EXOC5: variants seen among roughly 807,000 people sequenced by gnomAD.
EXOC5 encodes the protein SEC10-like 1.
Under a neutral mutation model 90.8 loss-of-function variants are expected in EXOC5, and 17 were observed. The ratio of observed to expected loss-of-function variants is 0.19; its 90% CI spans 0.13 to 0.28. The LOEUF (loss-of-function observed/expected upper bound fraction) is 0.28, where lower values mean the gene tolerates loss of function less well. Among genes scored for constraint, EXOC5 ranks in the 10% least tolerant of loss-of-function variants. The pLI, the probability that EXOC5 is intolerant of heterozygous loss-of-function variation, is 1.00. For synonymous variants in EXOC5, 260 were observed against 270.0 expected (o/e 0.96, Z 0.36); for missense variants, 569 against 830.6 (o/e 0.69, Z 3.87).
At chr14:57,252,239 T>G (rs1260571937) in intron 1 of EXOC5, among the ~76,000 whole-genome samples, 2 of 152,198 alleles carry the variant, frequency 1.3e-5, no homozygotes, top group Non-Finnish European at 2.9e-5. Context: ...ACGAAAGCCA[T>G]ACAAAGACTG....
intron 5 of EXOC5, among the ~76,000 whole-genome samples, chr14:57,238,403 C>CAT (rs1883745711): frequency 2.0e-5 from 3 of 148,950 alleles, no homozygotes; most frequent in African/African-American, 7.3e-5. Context: ...CACACACACA[C>CAT]ACACACATAT....
chr14:57,263,415 A>G (rs1884573662), intron 1 of EXOC5, among the ~76,000 whole-genome samples: 1 of 151,610 alleles, frequency 6.6e-6, no homozygotes, highest in African/African-American at 2.4e-5. Flanking sequence ...CGCTGCAGTG[A>G]GCTGTGATTA....
chr14:57,219,934 A>G (rs1883078344), intron 13 of EXOC5, among the ~76,000 whole-genome samples: 1 of 152,194 alleles, frequency 6.6e-6, no homozygotes, highest in South Asian at 2.1e-4. Context: ...TTTATTCAGA[A>G]TAAAATAAAA....
chr14:57,215,591 A>G (rs982037521), intron 15 of EXOC5, among the ~76,000 whole-genome samples: 9 of 152,186 alleles, frequency 5.9e-5, no homozygotes, highest in Non-Finnish European at 1.2e-4. Flanking sequence ...GATGTGAAAA[A>G]AAAAACGCTT....
intron 13 of EXOC5, among the ~76,000 whole-genome samples, chr14:57,220,663 A>G (rs1349113802): frequency 6.6e-6 from 1 of 152,082 alleles, no homozygotes; most frequent in Non-Finnish European, 1.5e-5. Flanking sequence ...AGCTAGGTGC[A>G]GTGGCATGCA....
At chr14:57,214,349 G>C (rs939981467) in intron 15 of EXOC5, among the ~76,000 whole-genome samples, 3 of 152,120 alleles carry the variant, frequency 2.0e-5, no homozygotes, top group Admixed American at 6.5e-5. Context: ...TGTCACATGA[G>C]GTCAGGTGTA....
At chr14:57,236,558 T>A (rs1297140677) in intron 6 of EXOC5, among the ~76,000 whole-genome samples, 1 of 152,158 alleles carries the variant, frequency 6.6e-6, no homozygotes, top group African/African-American at 2.4e-5. Flanking sequence ...AGTGCTGGGA[T>A]TACAGGTGCG....
In EXOC5 at chr14:57,204,853, T is replaced by C. The variant is rs890905939; in HGVS notation, c.*3756A>G. On this transcript the variant is annotated 3_prime_UTR_variant, in exon 18 of 18. Transcript: ENST00000621441. Reference sequence around the variant, plus strand: ...AGATATTGACCCTGTATGCCAACTTTGTAATATAAATACTACAATAAGAAT... The same window carrying C: ...AGATATTGACCCTGTATGCCAACTTCGTAATATAAATACTACAATAAGAAT... 1 of 152,542 alleles carries C rather than the reference T, an allele frequency of 6.6e-6. No individual in the cohort carries two copies. The highest frequency in any genetic ancestry group is 3.4e-3 in the Middle Eastern group (1 of 294). 9.4% of individuals were successfully genotyped at this position (152,542 alleles called of 1,614,324 possible). A position where few individuals can be genotyped will look rare whatever the true frequency, so the allele number is the denominator to read the frequency against.
chr14:57,263,459 AACCC>A (rs1884575142), intron 1 of EXOC5, among the ~76,000 whole-genome samples: 1 of 151,254 alleles, frequency 6.6e-6, no homozygotes, highest in South Asian at 2.1e-4. Flanking sequence ...GACAGAGCAA[AACCC>A]TGTCTCAAAA....
chr14:57,217,011 A>G (rs1882994808), intron 15 of EXOC5, among the ~76,000 whole-genome samples: 1 of 152,234 alleles, frequency 6.6e-6, no homozygotes, highest in South Asian at 2.1e-4. Context: ...TAACAGGTAT[A>G]TGAAAAGGTG....
intron 7 of EXOC5, 141 bp from the exon 8 acceptor site, chr14:57,234,173 A>T (rs182590582): frequency 6.6e-5 from 40 of 606,704 alleles, no homozygotes; most frequent in Admixed American, 1.6e-4. Flanking sequence ...CTTAAATAAA[A>T]TTAACTGCAG....
intron 1 of EXOC5, among the ~76,000 whole-genome samples, chr14:57,261,295 C>T (rs759212801): frequency 1.3e-5 from 2 of 152,174 alleles, no homozygotes; most frequent in African/African-American, 2.4e-5. Flanking sequence ...CACACACACA[C>T]CTCAACTATC....
At chr14:57,227,945 T>TAC (rs60100460) in intron 12 of EXOC5, among the ~76,000 whole-genome samples, 11,325 of 145,886 alleles carry the variant, frequency 0.078, 498 homozygotes, top group Non-Finnish European at 0.11. Flanking sequence ...CATATATATA[T>TAC]ACACACACAC....
In EXOC5 at chr14:57,239,676, A is replaced by G. The variant is rs117411095; in HGVS notation, c.466-17T>C. On this transcript the variant is annotated splice_polypyrimidine_tract_variant and intron_variant, in intron 4 of 17. Transcript: ENST00000621441. ...TTCCTTTATCTATGAAAAAATAAATAAAAGCAATAATTTAAAAAACTTTTA... is the reference window on the plus strand; with the variant it reads ...TTCCTTTATCTATGAAAAAATAAATGAAAGCAATAATTTAAAAAACTTTTA... 10 of 1,464,870 alleles carry G rather than the reference A, an allele frequency of 6.8e-6. No individual in the cohort carries two copies. Among genetic ancestry groups the G allele is most frequent in the Non-Finnish European group, 9.2e-6 (10 of 1,092,090 alleles). 90.7% of individuals were successfully genotyped at this position (1,464,870 alleles called of 1,614,324 possible).
intron 1 of EXOC5, among the ~76,000 whole-genome samples, chr14:57,247,932 C>A (rs1262650216): frequency 6.6e-6 from 1 of 151,796 alleles, no homozygotes; most frequent in East Asian, 1.9e-4. Flanking sequence ...AATACTAGAA[C>A]AGTATTAATG....
rs1882727916 is a variant in EXOC5 at position 57,208,515 on chromosome 14, G to A, written c.*94C>T. The A allele has an allele frequency of 8.8e-6, 7 of 792,934 alleles. No individual in the cohort carries two copies. The highest frequency in any genetic ancestry group is 1.4e-5 in the Non-Finnish European group (7 of 488,188). 49.1% of individuals were successfully genotyped at this position (792,934 alleles called of 1,614,324 possible). On this transcript the variant is annotated 3_prime_UTR_variant, in exon 18 of 18. Transcript: ENST00000621441. ...CACAAAATGTTGGCTGTGTCATAAG[G>A]TATCTCCTGTGCTTTCTATCAACCG...
intron 12 of EXOC5, among the ~76,000 whole-genome samples, chr14:57,225,075 C>T (rs886117617): frequency 2.0e-5 from 3 of 151,730 alleles, no homozygotes; most frequent in African/African-American, 4.8e-5. Context: ...AAAAAAAAGG[C>T]CAATATCCCT....
chr14:57,248,090 CAA>C (rs562454346), intron 1 of EXOC5, among the ~76,000 whole-genome samples: 135 of 148,092 alleles, frequency 9.1e-4, no homozygotes, highest in Non-Finnish European at 1.6e-3. Context: ...AAAAATCTCA[CAA>C]AGTTTTTTTT....
rs1435284610 is a variant in EXOC5 at position 57,206,374 on chromosome 14, C to T, written c.*2235G>A. On this transcript the variant is annotated 3_prime_UTR_variant, in exon 18 of 18. Transcript: ENST00000621441. ...AATACAAAGAATGCATATTGCCTCA[C>T]ATGACACATTTTTTTTTTTCCCTCA... The T allele has an allele frequency of 7.1e-6, 1 of 141,264 alleles. No individual in the cohort carries two copies. Among genetic ancestry groups the T allele is most frequent in the Admixed American group, 6.5e-5 (1 of 15,272 alleles). 8.8% of individuals were successfully genotyped at this position (141,264 alleles called of 1,614,324 possible).
Sources: gnomAD v4.1 joint callset for allele counts (sites outside exome capture counted in the v4.1 genomes callset) on GRCh38, gnomAD v4.1.1 for gene constraint, MANE v1.5 for transcripts, NCBI Gene and HGNC (gene_info 2026-07-23, HGNC 2026-07-21) for gene names.